EGFLAM: variants seen among roughly 807,000 people sequenced by gnomAD.
The protein encoded by EGFLAM is pikachurin.
A neutral mutation model predicts 113.1 loss-of-function variants in EGFLAM; 79 were observed. The observed-to-expected ratio is 0.70, with a 90% confidence interval of 0.58 to 0.84. EGFLAM has a LOEUF of 0.84. Ranked by LOEUF, EGFLAM falls within the 40% of genes least tolerant of loss-of-function variation. The probability of loss-of-function intolerance (pLI) is 0.00; values close to 1 mark genes in which losing one functional copy is unlikely to be tolerated. For missense variants in EGFLAM, 1,265 were observed against 1,291.6 expected (o/e 0.98, Z 0.32); for synonymous variants, 504 against 487.6 (o/e 1.03, Z -0.44).
At chr5:38,318,379 T>C (rs1738655457) in intron 1 of EGFLAM, among the ~76,000 whole-genome samples, 1 of 151,244 alleles carries the variant, frequency 6.6e-6, no homozygotes, top group Non-Finnish European at 1.5e-5. Context: ...CTATATAGTG[T>C]AGTTATATAC....
In EGFLAM at chr5:38,409,082, A is replaced by T. The variant is rs962973673; in HGVS notation, c.1327A>T (p.Ile443Phe). Residue 443 changes from isoleucine (I) to phenylalanine (F), a missense_variant, in exon 10 of 22, where the codon ATC becomes TTC. Ile to Phe is a conservative substitution (Grantham distance 21). Coordinates refer to ENST00000322350, the MANE Select transcript of EGFLAM (RefSeq NM_152403.4). ...GGGGGATTTCATGTCCCTGGCTATC[A>T]TCCGACGCTCCCTGCAGTTCAGGTA... is the stretch of plus-strand genomic sequence containing the variant. ...GRGDFMSLAI[I>F]RRSLQFRFNC... The T allele has an allele frequency of 1.9e-6, 3 of 1,585,830 alleles. No homozygotes were observed. The African/African-American group carries it at 4.0e-5, about 21-fold the overall frequency.
chr5:38,453,908 C>T (rs371189145), intron 19 of EGFLAM, among the ~76,000 whole-genome samples: 1 of 152,212 alleles, frequency 6.6e-6, no homozygotes, highest in East Asian at 1.9e-4. Flanking sequence ...CTCCCCTCTC[C>T]CACCTGCTTA....
At chr5:38,302,383 T>C (rs1301010485) in intron 1 of EGFLAM, among the ~76,000 whole-genome samples, 2 of 152,170 alleles carry the variant, frequency 1.3e-5, no homozygotes, top group African/African-American at 4.8e-5. Context: ...ACATTTCAGC[T>C]GGGCCATCCT....
At chr5:38,449,891 G>A (rs1238314619) in intron 18 of EGFLAM, among the ~76,000 whole-genome samples, 1 of 152,134 alleles carries the variant, frequency 6.6e-6, no homozygotes, top group African/African-American at 2.4e-5. Flanking sequence ...ATTAAGAGAA[G>A]CAGCTGTACC....
rs183603453 is a variant in EGFLAM, at chr5:38,442,337, T to G, written c.2464+3882T>G. On this transcript the variant is annotated intron_variant, in intron 17 of 21. Transcript: ENST00000322350. Reference sequence around the variant, plus strand: ...TTTATATTTAATATCAATATATTATTTGATTTAAAATATTAAATTATATTA... The same window carrying G: ...TTTATATTTAATATCAATATATTATGTGATTTAAAATATTAAATTATATTA... Among the ~76,000 whole-genome samples, 303 of 147,942 alleles carry G rather than the reference T, an allele frequency of 2.0e-3. 1 individual carries two copies. The highest frequency in any genetic ancestry group is 7.1e-3 in the African/African-American group (290 of 40,936).
intron 6 of EGFLAM, among the ~76,000 whole-genome samples, chr5:38,371,130 T>C (rs1740202474): frequency 1.3e-5 from 2 of 152,184 alleles, no homozygotes; most frequent in Non-Finnish European, 2.9e-5. Context: ...GTCCAGCCCA[T>C]TTTAGACGTT....
chr5:38,265,152 T>C (rs138963857), intron 1 of EGFLAM, among the ~76,000 whole-genome samples: 3 of 152,274 alleles, frequency 2.0e-5, no homozygotes, highest in African/African-American at 7.2e-5. Context: ...GAGTGGTGCT[T>C]TTTGTTCTTC....
chr5:38,448,994 G>C (rs1742816544), intron 18 of EGFLAM, among the ~76,000 whole-genome samples: 1 of 152,240 alleles, frequency 6.6e-6, no homozygotes, highest in African/African-American at 2.4e-5. Context: ...GGTGGCAGAA[G>C]TCCCAGCCCT....
chr5:38,306,192 T>C (rs1371881330), intron 1 of EGFLAM, among the ~76,000 whole-genome samples: 1 of 152,218 alleles, frequency 6.6e-6, no homozygotes, highest in East Asian at 1.9e-4. Flanking sequence ...ATTATAAAAG[T>C]GGAAAAGTTC....
chr5:38,288,369 G>GA (rs1220437142), intron 1 of EGFLAM, among the ~76,000 whole-genome samples: 2 of 152,098 alleles, frequency 1.3e-5, no homozygotes, highest in African/African-American at 4.8e-5. Flanking sequence ...CTGGAAAATG[G>GA]AAAAAACATA....
At chr5:38,389,638 G>A (rs187410223) in intron 6 of EGFLAM, among the ~76,000 whole-genome samples, 20 of 152,184 alleles carry the variant, frequency 1.3e-4, no homozygotes, top group Non-Finnish European at 2.5e-4. Context: ...TCAAGGTTTT[G>A]TTATGGCTGT....
chr5:38,361,358 T>C (rs1400073834), intron 5 of EGFLAM, among the ~76,000 whole-genome samples: 1 of 152,206 alleles, frequency 6.6e-6, no homozygotes, highest in Non-Finnish European at 1.5e-5. Context: ...CTCAGCACAC[T>C]TGTAGTTAAT....
intron 1 of EGFLAM, among the ~76,000 whole-genome samples, chr5:38,283,674 T>C (rs1758080892): frequency 6.6e-6 from 1 of 152,216 alleles, no homozygotes. Flanking sequence ...CCAAGTCTTC[T>C]GACCCCTGGT....
intron 6 of EGFLAM, among the ~76,000 whole-genome samples, chr5:38,396,421 C>T (rs1046651830): frequency 2.6e-5 from 4 of 152,204 alleles, no homozygotes; most frequent in East Asian, 1.9e-4. Context: ...ATACATAGAT[C>T]GTATCAGATT....
chr5:38,464,151 C>T lies in EGFLAM; in HGVS notation c.*165C>T. The T allele has an allele frequency of 1.1e-6, 1 of 901,720 alleles. No individual in the cohort carries two copies. Among genetic ancestry groups the T allele is most frequent in the Non-Finnish European group, 1.6e-6 (1 of 617,186 alleles). The allele number at this position is 901,720 out of a possible 1,614,324, so 55.9% of individuals were successfully genotyped here. ...GAAACTGAGAACCAAGACAGGCATC[C>T]CTGGGTGGCCTTTCCTGCTGACACT... On this transcript the variant is annotated 3_prime_UTR_variant, in exon 22 of 22. Transcript: ENST00000322350.
chr5:38,276,495 T>C (rs13187746), intron 1 of EGFLAM, among the ~76,000 whole-genome samples: 62,969 of 151,908 alleles, frequency 0.41, 13,588 homozygotes, highest in Middle Eastern at 0.58. Flanking sequence ...AATTAAATAA[T>C]CTAAAATTGT....
chr5:38,292,144 C>G (rs1758351443), intron 1 of EGFLAM, among the ~76,000 whole-genome samples: 1 of 152,232 alleles, frequency 6.6e-6, no homozygotes, highest in South Asian at 2.1e-4. Context: ...ATTTTCCCCC[C>G]AGATGTGCAG....
intron 12 of EGFLAM, among the ~76,000 whole-genome samples, chr5:38,423,386 G>A (rs1419388882): frequency 6.6e-6 from 1 of 152,096 alleles, no homozygotes; most frequent in African/African-American, 2.4e-5. Flanking sequence ...TTGTTGAAAT[G>A]CTGCTTTCAC....
At chr5:38,297,408 C>T (rs1005703428) in intron 1 of EGFLAM, among the ~76,000 whole-genome samples, 4 of 152,056 alleles carry the variant, frequency 2.6e-5, no homozygotes, top group Admixed American at 1.3e-4. Flanking sequence ...CATTGTTTTC[C>T]GTTATTTACT....
Sources: allele counts gnomAD v4.1 joint callset (sites outside exome capture counted in the v4.1 genomes callset), GRCh38; gene constraint gnomAD v4.1.1; transcripts MANE v1.5; gene names NCBI Gene and HGNC (gene_info 2026-07-23, HGNC 2026-07-21).